OPCML: variants seen among roughly 807,000 people sequenced by gnomAD.
The protein encoded by OPCML is opioid-binding protein/cell adhesion molecule.
OPCML carries 13 observed loss-of-function variants against 37.8 expected under a neutral mutation model. The ratio of observed to expected loss-of-function variants is 0.34; its 90% confidence interval spans 0.22 to 0.55. The LOEUF (loss-of-function observed/expected upper bound fraction) is 0.55. OPCML is among the 20% of genes least tolerant of loss of function. The probability of loss-of-function intolerance (pLI) is 0.91; values close to 1 mark genes in which losing one functional copy is unlikely to be tolerated. For synonymous variants in OPCML, 176 were observed against 168.8 expected, an observed-to-expected ratio of 1.04 and a Z score of -0.33; for missense variants, 341 against 435.6, an observed-to-expected ratio of 0.78 and a Z score of 1.93.
chr11:133,323,301 C>T (rs575579622), intron 1 of OPCML, among the ~76,000 whole-genome samples: 2 of 152,180 alleles, frequency 1.3e-5, no homozygotes, highest in South Asian at 4.2e-4. Flanking sequence ...TCTCCACAGC[C>T]CACTTGTGTT....
chr11:133,047,844 G>T (rs1293137607), intron 1 of OPCML, among the ~76,000 whole-genome samples: 1 of 152,234 alleles, frequency 6.6e-6, no homozygotes, highest in African/African-American at 2.4e-5. Flanking sequence ...GCAGCAATTT[G>T]TCTGAGTTCT....
intron 2 of OPCML, among the ~76,000 whole-genome samples, chr11:132,870,927 T>G (rs1037474862): frequency 3.3e-5 from 5 of 152,142 alleles, no homozygotes; most frequent in Admixed American, 2.6e-4. Flanking sequence ...AACATGTTGT[T>G]CAAAGGACAG....
At chr11:133,051,262 G>A (rs1046442580) in intron 1 of OPCML, among the ~76,000 whole-genome samples, 9 of 151,978 alleles carry the variant, frequency 5.9e-5, no homozygotes, top group African/African-American at 1.9e-4. Context: ...TATATCAACG[G>A]GTGTCTAGCG....
At chr11:132,598,077 A>C (rs563187292) in intron 3 of OPCML, among the ~76,000 whole-genome samples, 3 of 151,848 alleles carry the variant, frequency 2.0e-5, no homozygotes, top group African/African-American at 7.3e-5. Flanking sequence ...TCTTTCTCTC[A>C]TTCTACCAAT....
At chr11:133,361,945 G>T (rs1049118755) in intron 1 of OPCML, 8 of 152,404 alleles carry the variant, frequency 5.2e-5, no homozygotes, top group African/African-American at 1.9e-4. Flanking sequence ...TAGAGGGACA[G>T]AGCAACCACC....
intron 1 of OPCML, among the ~76,000 whole-genome samples, chr11:132,994,195 T>TC (rs1245974845): frequency 3.9e-5 from 6 of 152,004 alleles, no homozygotes; most frequent in Non-Finnish European, 8.8e-5. Context: ...AGGGCGGGAG[T>TC]CCCCGCGCCG....
In OPCML at chr11:133,070,604, C is replaced by T. The variant is rs144382580; in HGVS notation, c.62-127594G>A. Reference sequence around the variant, plus strand: ...AGGTAACGCAACGGTGTGGCTAATTCCAAAGAAGGTGCAACTGAAACTATT... The same window carrying T: ...AGGTAACGCAACGGTGTGGCTAATTTCAAAGAAGGTGCAACTGAAACTATT... On this transcript the variant is annotated intron_variant, in intron 1 of 7. Coordinates refer to ENST00000524381, the MANE Select transcript of OPCML (RefSeq NM_001012393.5). Among the ~76,000 whole-genome samples the T allele has an allele frequency of 8.5e-5, 13 of 152,248 alleles. No individual in the cohort carries two copies. The East Asian group carries it at 1.9e-3, about 23-fold the overall frequency.
intron 1 of OPCML, among the ~76,000 whole-genome samples, chr11:133,490,204 G>A (rs1279918426): frequency 6.6e-6 from 1 of 152,120 alleles, no homozygotes; most frequent in Non-Finnish European, 1.5e-5. Context: ...AGTTCTGAGG[G>A]TGAGAATAAA....
intron 1 of OPCML, among the ~76,000 whole-genome samples, chr11:132,973,772 A>T (rs1227718722): frequency 6.6e-6 from 1 of 152,152 alleles, no homozygotes; most frequent in African/African-American, 2.4e-5. Flanking sequence ...AACCTTCTCC[A>T]ATCTTCTCAT....
chr11:132,923,394 C>T (rs1944879558), intron 2 of OPCML, among the ~76,000 whole-genome samples: 1 of 152,086 alleles, frequency 6.6e-6, no homozygotes, highest in African/African-American at 2.4e-5. Flanking sequence ...TGACGCCCAG[C>T]CGGGCTTGGA....
At chr11:133,361,577 A>G (rs1944421108) in intron 1 of OPCML, 1 of 162,102 alleles carries the variant, frequency 6.2e-6, no homozygotes. Context: ...ACTCCGGGGC[A>G]CCTGCAGCTA....
At chr11:132,875,296 C>T (rs1389495464) in intron 2 of OPCML, among the ~76,000 whole-genome samples, 5 of 152,070 alleles carry the variant, frequency 3.3e-5, no homozygotes, top group Non-Finnish European at 5.9e-5. Flanking sequence ...CGAGTCACTT[C>T]TGAGCCATAG....
intron 1 of OPCML, among the ~76,000 whole-genome samples, chr11:133,028,879 T>G: frequency 7.4e-6 from 1 of 134,468 alleles, no homozygotes; most frequent in Middle Eastern, 3.7e-3. Flanking sequence ...TAAACTAAAG[T>G]GTTTCTGCAC....
rs138954149 is a variant in OPCML, at chr11:133,195,506, C to T, written c.62-252496G>A. 3.5e-3 allele frequency among the ~76,000 whole-genome samples: 536 copies of T among 152,236 alleles called. 2 individuals carry two copies. The highest frequency in any genetic ancestry group is 5.9e-3 in the Non-Finnish European group (400 of 68,030). ...TTAAAGTTCCTTTGGATTCTATTTC[C>T]GCATTCATTATGACACCCAATCAAG... On this transcript the variant is annotated intron_variant, in intron 1 of 7. Coordinates refer to ENST00000524381, the MANE Select transcript of OPCML (RefSeq NM_001012393.5).
At position 133,173,509 on chromosome 11, in the gene OPCML, A is replaced by AATC. The variant is rs1368196226; in HGVS notation, c.62-230502_62-230500dup. ...GAATCTACAGCAGAGTGTCCCCAAC[A>AATC]ATCTTTTCTCTATAAGGAATTGTTG... On this transcript the variant is annotated intron_variant, in intron 1 of 7. Coordinates refer to ENST00000524381, the MANE Select transcript of OPCML (RefSeq NM_001012393.5). This position sits in a 1 kb window ranked among gnomAD's most constrained non-coding sequence, Gnocchi z 7.8. Among the ~76,000 whole-genome samples, 17 of 152,154 alleles carry AATC rather than the reference A, an allele frequency of 1.1e-4. No individual in the cohort carries two copies. The highest frequency in any genetic ancestry group is 3.9e-4 in the African/African-American group (16 of 41,428).
chr11:133,097,366 A>G (rs1007618298), intron 1 of OPCML, among the ~76,000 whole-genome samples: 1 of 152,222 alleles, frequency 6.6e-6, no homozygotes, highest in African/African-American at 2.4e-5. Flanking sequence ...AATGGAACTT[A>G]TCACATGCGT....
At chr11:132,703,413 A>C (rs1440753349) in intron 2 of OPCML, among the ~76,000 whole-genome samples, 1 of 152,204 alleles carries the variant, frequency 6.6e-6, no homozygotes, top group African/African-American at 2.4e-5. Context: ...GTGTATGACT[A>C]TACTGGTACT....
At chr11:132,827,838 G>A (rs1054803280) in intron 2 of OPCML, among the ~76,000 whole-genome samples, 1 of 151,578 alleles carries the variant, frequency 6.6e-6, no homozygotes, top group African/African-American at 2.4e-5. Flanking sequence ...TAGAGACGGG[G>A]TTTCACCATG....
chr11:132,958,146 G>A (rs1946009395), intron 1 of OPCML, among the ~76,000 whole-genome samples: 1 of 152,208 alleles, frequency 6.6e-6, no homozygotes, highest in East Asian at 1.9e-4. Flanking sequence ...TGCCACTCCA[G>A]TGAACACACA....
Sources: allele counts gnomAD v4.1 joint callset (sites outside exome capture counted in the v4.1 genomes callset), GRCh38; gene constraint gnomAD v4.1.1; non-coding constraint Gnocchi (gnomAD v3.1); transcripts MANE v1.5; gene names NCBI Gene and HGNC (gene_info 2026-07-23, HGNC 2026-07-21).